The following RNF216 variants were observed in gnomAD, a reference collection of about 807,000 sequenced individuals.
RNF216 encodes the protein ring finger protein 216.
In RNF216, 72 loss-of-function variants were observed where a neutral mutation model predicts 110.8. That is an observed-to-expected ratio of 0.65 (90% CI 0.54 to 0.79). The LOEUF (loss-of-function observed/expected upper bound fraction) is 0.79. RNF216 is among the 30% of genes least tolerant of loss of function. The pLI is 0.00. For missense variants in RNF216, 1,342 were observed against 1,141.2 expected (o/e 1.18, Z -2.54); for synonymous variants, 495 against 407.5 (o/e 1.21, Z -2.59).
rs1053314318 is a variant in RNF216, at chr7:5,624,600, T to C, written c.2383-475A>G. ...GACAAATGTCCAGTCGGGCCCTGCT[T>C]AGCCCCCAAGGCTGGCCTTGGCTCC... On this transcript the variant is annotated intron_variant, in intron 15 of 16. Transcript: ENST00000389902. The surrounding 1 kb of genome is among the most constrained non-coding windows in gnomAD (Gnocchi z 4.4). 6.6e-6 allele frequency among the ~76,000 whole-genome samples: 1 copy of C among 152,214 alleles called. No homozygotes were observed. Among genetic ancestry groups the C allele is most frequent in the African/African-American group, 2.4e-5 (1 of 41,468 alleles).
At chr7:5,655,631 A>C (rs1266330095) in intron 13 of RNF216, among the ~76,000 whole-genome samples, 2 of 152,086 alleles carry the variant, frequency 1.3e-5, no homozygotes, top group Admixed American at 6.5e-5. Flanking sequence ...AAAAAAAGAC[A>C]AGACCAGACC....
chr7:5,725,442 A>C lies in RNF216; in HGVS notation c.1390-4T>G. Reference sequence around the variant, plus strand: ...TTTTAATGGCATCAGACAAGGCCTAAAAATTGAGAAAAGGAAAGGTTCCTT... The same window carrying C: ...TTTTAATGGCATCAGACAAGGCCTACAAATTGAGAAAAGGAAAGGTTCCTT... On this transcript the variant is annotated splice_polypyrimidine_tract_variant and splice_region_variant and intron_variant, in intron 7 of 16. Transcript: ENST00000389902. 3.3e-6 allele frequency: 5 copies of C among 1,531,992 alleles called. No individual in the cohort carries two copies. The East Asian group carries it at 1.1e-4, about 34-fold the overall frequency. 94.9% of individuals were successfully genotyped at this position (1,531,992 alleles called of 1,614,324 possible). A position where few individuals can be genotyped will look rare whatever the true frequency, so the allele number is the denominator to read the frequency against.
At position 5,737,044 on chromosome 7, in the gene RNF216, C is replaced by T. The variant is rs1451017506; in HGVS notation, c.1121+2232G>A. On this transcript the variant is annotated intron_variant, in intron 5 of 16. Transcript: ENST00000389902. The stretch of plus-strand genomic sequence containing the variant: ...GGTGTTCCCAACAGCTTATTGAGAA[C>T]GGGCCATGATGACGATGACAGCTGT... Among the ~76,000 whole-genome samples the T allele has an allele frequency of 3.3e-5, 5 of 152,322 alleles. No homozygotes were observed. The South Asian group carries it at 6.2e-4, about 19-fold the overall frequency.
At chr7:5,687,429 A>C (rs1037854957) in intron 13 of RNF216, among the ~76,000 whole-genome samples, 1 of 151,802 alleles carries the variant, frequency 6.6e-6, no homozygotes, top group Non-Finnish European at 1.5e-5. Flanking sequence ...AAGAAAAGAA[A>C]AGAAAGAAAA....
At chr7:5,715,294 G>C in intron 10 of RNF216, 104 bp from the exon 11 acceptor site, 1 of 1,224,406 alleles carries the variant, frequency 8.2e-7, no homozygotes, top group Non-Finnish European at 1.1e-6. Flanking sequence ...CAAATTCTGA[G>C]GTAAAGCAAC....
At chr7:5,739,406 T>A (rs1399917233) in intron 4 of RNF216, 54 bp from the exon 5 acceptor site, 1 of 1,538,286 alleles carries the variant, frequency 6.5e-7, no homozygotes, top group Non-Finnish European at 8.9e-7. Context: ...TGGTTTCAAA[T>A]GGCAATACAA....
chr7:5,760,702 TCAC>T (rs1682631522), intron 2 of RNF216, among the ~76,000 whole-genome samples: 1 of 152,306 alleles, frequency 6.6e-6, no homozygotes, highest in Admixed American at 6.5e-5. Context: ...TCCTTTATAA[TCAC>T]CACGCCTTCA....
intron 2 of RNF216, among the ~76,000 whole-genome samples, chr7:5,756,222 C>A (rs1178484219): frequency 6.6e-6 from 1 of 152,128 alleles, no homozygotes; most frequent in South Asian, 2.1e-4. Context: ...CTTTGCCTTT[C>A]GCCATGACAG....
chr7:5,712,297 T>C (rs976793976), intron 12 of RNF216, among the ~76,000 whole-genome samples: 14 of 152,126 alleles, frequency 9.2e-5, no homozygotes, highest in Admixed American at 2.0e-4. Flanking sequence ...CTGGCCAACA[T>C]GGCAAAACCT....
chr7:5,643,711 C>G (rs1298343498), intron 14 of RNF216, among the ~76,000 whole-genome samples: 1 of 152,142 alleles, frequency 6.6e-6, no homozygotes, highest in South Asian at 2.1e-4. Flanking sequence ...TTAAACCACT[C>G]TAACGTATAC....
intron 1 of RNF216, among the ~76,000 whole-genome samples, 186 bp downstream of exon 1, chr7:5,781,355 G>C (rs1797079708): frequency 6.6e-6 from 1 of 152,014 alleles, no homozygotes; most frequent in Non-Finnish European, 1.5e-5. Flanking sequence ...CCGGGCTCGA[G>C]ACGCCCAGCC....
intron 14 of RNF216, among the ~76,000 whole-genome samples, chr7:5,651,572 C>A (rs1788389532): frequency 1.3e-5 from 2 of 152,080 alleles, no homozygotes. Flanking sequence ...TAGATATGCA[C>A]CCTCAGCTGC....
Position 5,729,111 on chromosome 7 carries a change from G to A in RNF216, c.1389+321C>T, listed in dbSNP as rs1356009734. On this transcript the variant is annotated intron_variant, in intron 7 of 16. Transcript: ENST00000389902. ...AGCCACCTGGGGGATGGATGGTCGTGTGACCTGTCCCAAGTTGGAAAGCAA... is the reference window on the plus strand; with the variant it reads ...AGCCACCTGGGGGATGGATGGTCGTATGACCTGTCCCAAGTTGGAAAGCAA... 2.6e-5 allele frequency among the ~76,000 whole-genome samples: 4 copies of A among 152,192 alleles called. No individual in the cohort carries two copies. The South Asian group carries it at 6.2e-4, about 24-fold the overall frequency.
chr7:5,728,707 G>A (rs567179233), intron 7 of RNF216, among the ~76,000 whole-genome samples: 2 of 152,284 alleles, frequency 1.3e-5, no homozygotes, highest in African/African-American at 4.8e-5. Context: ...TAACCACTAC[G>A]ATAACTCCAC....
At chr7:5,695,688 AGT>A (rs1791582926) in intron 13 of RNF216, among the ~76,000 whole-genome samples, 1 of 152,220 alleles carries the variant, frequency 6.6e-6, no homozygotes. Flanking sequence ...GCCACAGAAT[AGT>A]GTTCTCCCCT....
At chr7:5,772,563 G>C (rs1360562898) in intron 1 of RNF216, among the ~76,000 whole-genome samples, 1 of 152,000 alleles carries the variant, frequency 6.6e-6, no homozygotes, top group Non-Finnish European at 1.5e-5. Flanking sequence ...TTGCCTTCCT[G>C]GGAGAAACCA....
At chr7:5,727,519 G>T (rs1793833624) in intron 7 of RNF216, among the ~76,000 whole-genome samples, 2 of 152,258 alleles carry the variant, frequency 1.3e-5, no homozygotes, top group African/African-American at 4.8e-5. Context: ...CTGAGGCCAG[G>T]AGTTCAAGAC....
intron 7 of RNF216, 94 bp from the exon 8 acceptor site, chr7:5,725,532 A>G: frequency 1.3e-6 from 1 of 757,372 alleles, no homozygotes; most frequent in South Asian, 1.6e-5. Flanking sequence ...ACACAGTTTC[A>G]GCTGTCTACC....
At chr7:5,747,656 C>T (rs974999888) in intron 3 of RNF216, among the ~76,000 whole-genome samples, 1 of 134,672 alleles carries the variant, frequency 7.4e-6, no homozygotes, top group African/African-American at 2.7e-5. Flanking sequence ...GAGGCTGAGG[C>T]ACAAGAATCA....
Sources: allele counts gnomAD v4.1 joint callset (sites outside exome capture counted in the v4.1 genomes callset), GRCh38; gene constraint gnomAD v4.1.1; non-coding constraint Gnocchi (gnomAD v3.1); transcripts MANE v1.5; gene names NCBI Gene and HGNC (gene_info 2026-07-23, HGNC 2026-07-21).